The following PCNX3 variants were observed in gnomAD, a reference collection of about 807,000 sequenced individuals.
PCNX3 encodes pecanex 3.
A neutral mutation model predicts 207.2 loss-of-function variants in PCNX3; 58 were observed. The ratio of observed to expected loss-of-function variants is 0.28; its 90% CI spans 0.23 to 0.35. The LOEUF (loss-of-function observed/expected upper bound fraction) is 0.35. Ranked by LOEUF, PCNX3 falls within the 10% of genes least tolerant of loss-of-function variation. PCNX3 has a pLI of 1.00. For missense variants in PCNX3, 2,410 were observed against 2,774.4 expected (o/e 0.87, Z 2.95); for synonymous variants, 1,337 against 1,183.5 (o/e 1.13, Z -2.66).
rs563230754 is a variant in PCNX3, at chr11:65,618,705, C to T, written c.1343C>T (p.Ser448Phe). 6.2e-6 allele frequency: 10 copies of T among 1,613,070 alleles called. No individual in the cohort carries two copies. Among genetic ancestry groups the T allele is most frequent in the African/African-American group, 4.0e-5 (3 of 75,036 alleles). The change falls in exon 6 of 35, where the codon TCT becomes TTT. Residue 448 changes from serine to phenylalanine, a missense_variant. Physicochemically the swap from Ser to Phe is radical, Grantham distance 155. This residue lies in a region of PCNX3 where 1,104 missense variants were observed against 970.3 expected (regional missense o/e 1.14). Coordinates refer to ENST00000355703, the MANE Select transcript of PCNX3 (RefSeq NM_032223.4). ...SQRRYSTDSS[S>F]STSCYSPESS... ...CGCCGCTACAGTACTGACAGCTCCTCTTCTACTTCCTGCTACTCCCCTGAG... is the reference window on the plus strand; with the variant it reads ...CGCCGCTACAGTACTGACAGCTCCTTTTCTACTTCCTGCTACTCCCCTGAG...
chr11:65,621,759 G>A (rs1168752626), intron 10 of PCNX3, among the ~76,000 whole-genome samples: 3 of 152,244 alleles, frequency 2.0e-5, no homozygotes, highest in African/African-American at 7.2e-5. Flanking sequence ...ACAAATGAGA[G>A]GTCAAGTCAT....
In PCNX3 at chr11:65,634,534, A is replaced by G; in HGVS notation, c.4702-4A>G. The G allele has an allele frequency of 3.2e-6, 5 of 1,585,870 alleles. No individual in the cohort carries two copies. The highest frequency in any genetic ancestry group is 4.3e-6 in the Non-Finnish European group (5 of 1,169,404). ...GCTCTGGGATGGGGGTCCTTATGCC[A>G]CAGCCCGTGGACCAGGATTGGAACT... On this transcript the variant is annotated splice_region_variant and splice_polypyrimidine_tract_variant and intron_variant, in intron 28 of 34. Transcript: ENST00000355703.
intron 11 of PCNX3, 66 bp from the exon 12 acceptor site, chr11:65,623,425 T>TCTTCCCCA: frequency 6.7e-7 from 1 of 1,503,326 alleles, no homozygotes; most frequent in Non-Finnish European, 8.9e-7. Context: ...GCAAGATCCA[T>TCTTCCCCA]CTTCCCCACT....
chr11:65,631,065 C>CT (rs1855598690), intron 27 of PCNX3, among the ~76,000 whole-genome samples: 1 of 152,228 alleles, frequency 6.6e-6, no homozygotes, highest in South Asian at 2.1e-4. Flanking sequence ...GCCCTGCTAT[C>CT]TCACAGATGT....
At chr11:65,629,201 A>T (rs1194257322) in intron 24 of PCNX3, among the ~76,000 whole-genome samples, 156 bp from the exon 25 acceptor site, 1 of 152,144 alleles carries the variant, frequency 6.6e-6, no homozygotes, top group Non-Finnish European at 1.5e-5. Flanking sequence ...GTCCTGTGTG[A>T]GTCCCTTCAT....
Position 65,637,307 on chromosome 11 carries a change from GC to G in PCNX3, c.*334del, listed in dbSNP as rs1855887951. The G allele has an allele frequency of 9.4e-6, 3 of 320,426 alleles. No individual in the cohort carries two copies. The highest frequency in any genetic ancestry group is 1.7e-5 in the Non-Finnish European group (3 of 174,488). The allele number at this position is 320,426 out of a possible 1,614,324, so 19.8% of individuals were successfully genotyped here. A position where few individuals can be genotyped will look rare whatever the true frequency, so the allele number is the denominator to read the frequency against. ...TGGGCCTGCACTGCCTGCAGGTGTG[GC>G]CCCCTTGGCCTGGACCTGGGGCCTG... On this transcript the variant is annotated 3_prime_UTR_variant, in exon 35 of 35. Coordinates refer to ENST00000355703, the MANE Select transcript of PCNX3 (RefSeq NM_032223.4).
rs751946995 is a variant in PCNX3 at position 65,636,382 on chromosome 11, C to T, written c.5594-9C>T. On this transcript the variant is annotated splice_polypyrimidine_tract_variant and intron_variant, in intron 33 of 34. Coordinates refer to ENST00000355703, the MANE Select transcript of PCNX3 (RefSeq NM_032223.4). Reference sequence around the variant, plus strand: ...CTGAGGCCTCTGCTGTCTTATCTGTCTCCTACAGGCAATGGTGACCAACCC... The same window carrying T: ...CTGAGGCCTCTGCTGTCTTATCTGTTTCCTACAGGCAATGGTGACCAACCC... 4.1e-5 allele frequency: 64 copies of T among 1,571,546 alleles called. No homozygotes were observed. Among genetic ancestry groups the T allele is most frequent in the Non-Finnish European group, 5.0e-5 (58 of 1,158,444 alleles).
Position 65,634,942 on chromosome 11 carries a change from C to T in PCNX3, c.4806-31C>T, listed in dbSNP as rs377763462. On this transcript the variant is annotated intron_variant, in intron 29 of 34. Transcript: ENST00000355703. ...TTACCCCTGGGTCCTCGACACCCCT[C>T]TCTCCCCTCCCTGTTTTTCCTCCCA... is the stretch of plus-strand genomic sequence containing the variant. 4 of 1,596,684 alleles carry T rather than the reference C, an allele frequency of 2.5e-6. No homozygotes were observed. The African/African-American group carries it at 4.0e-5, about 16-fold the overall frequency.
Position 65,616,349 on chromosome 11 carries a change from T to C in PCNX3, c.38T>C (p.Val13Ala). 1.9e-6 allele frequency: 3 copies of C among 1,604,964 alleles called. No individual in the cohort carries two copies. Among genetic ancestry groups the C allele is most frequent in the Non-Finnish European group, 2.5e-6 (3 of 1,177,860 alleles). Residue 13 changes from valine to alanine, a missense_variant, in exon 1 of 35, where the codon GTG becomes GCG. By Grantham distance (64) the Val-to-Ala change is moderately conservative. Coordinates refer to ENST00000355703, the MANE Select transcript of PCNX3 (RefSeq NM_032223.4). ...GTGTTGCAGATCCTGCGCCAGGGGG[T>C]GTGGGCCTCGCTCACCGGCGGTTGG... Reference protein sequence around the residue: ...SQVLQILRQGVWASLTGGWFF... With the variant: ...SQVLQILRQGAWASLTGGWFF...
At position 65,618,644 on chromosome 11, in the gene PCNX3, A is replaced by G; in HGVS notation, c.1282A>G (p.Ser428Gly). The G allele has an allele frequency of 6.2e-7, 1 of 1,613,154 alleles. No homozygotes were observed. The highest frequency in any genetic ancestry group is 1.1e-5 in the South Asian group (1 of 91,092). The part of the protein sequence containing the change: ...FFEDEDTSEG[S>G]ELSPASSLRS... ...TGAGGATGAAGACACTAGTGAGGGC[A>G]GTGAACTGAGCCCGGCCTCCAGTCT... Residue 428 changes from serine to glycine, a missense_variant, in exon 6 of 35, where the codon AGT (serine) becomes GGT (glycine). This residue lies in a region of PCNX3 where 1,104 missense variants were observed against 970.3 expected (regional missense o/e 1.14). Transcript: ENST00000355703.
At chr11:65,617,794 T>TGA in intron 5 of PCNX3, 88 bp downstream of exon 5, 1 of 1,475,430 alleles carries the variant, frequency 6.8e-7, no homozygotes, top group Non-Finnish European at 9.2e-7. Context: ...ATCCTGGGTC[T>TGA]CCTCTGTATT....
At chr11:65,621,046 G>A in intron 10 of PCNX3, 80 bp downstream of exon 10, 1 of 1,456,842 alleles carries the variant, frequency 6.9e-7, no homozygotes, top group Non-Finnish European at 9.1e-7. Flanking sequence ...TGCATAGAGA[G>A]CTTGCCCAGG....
chr11:65,634,655 T>C lies in PCNX3; in HGVS notation c.4805+14T>C. 1 of 1,559,610 alleles carries C rather than the reference T, an allele frequency of 6.4e-7. No homozygotes were observed. Among genetic ancestry groups the C allele is most frequent in the Non-Finnish European group, 8.6e-7 (1 of 1,158,820 alleles). On this transcript the variant is annotated intron_variant, in intron 29 of 34. Transcript: ENST00000355703. ...CATGTCTGCAAGGTGAGTGCTCGGG[T>C]GTCCCGCGGGGCCTACTGCCGTCCC...
In PCNX3 at chr11:65,636,195, C is replaced by A; in HGVS notation, c.5481C>A (p.Ala1827=). ...TWERLHKGCG[A]GCNSGGNVDD... ...CCAGGCTTCACAAGGGCTGTGGCGC[C>A]GGCTGCAATAGTGGCGGGAACGTGG... The change falls in exon 33 of 35, where the codon GCC becomes GCA. Residue 1827 remains alanine (A), a synonymous_variant. Coordinates refer to ENST00000355703, the MANE Select transcript of PCNX3 (RefSeq NM_032223.4). 1 of 1,602,754 alleles carries A rather than the reference C, an allele frequency of 6.2e-7. No homozygotes were observed. The highest frequency in any genetic ancestry group is 8.5e-7 in the Non-Finnish European group (1 of 1,174,606).
At chr11:65,630,313 G>T (rs1477031421) in intron 26 of PCNX3, 38 bp from the exon 27 acceptor site, 3 of 1,603,456 alleles carry the variant, frequency 1.9e-6, no homozygotes, top group Non-Finnish European at 2.6e-6. Context: ...GGTAGGGATT[G>T]TTCTAGCAGC....
In PCNX3 at chr11:65,635,270, C is replaced by A; in HGVS notation, c.5006C>A (p.Ala1669Asp). 6.3e-7 allele frequency: 1 copy of A among 1,589,932 alleles called. No individual in the cohort carries two copies. Among genetic ancestry groups the A allele is most frequent in the East Asian group, 2.3e-5 (1 of 43,192 alleles). The change falls in exon 31 of 35, where the codon GCC (alanine) becomes GAC (aspartate). Residue 1669 changes from alanine (A) to aspartate (D), a missense_variant. Around this residue, in one of 8 missense-constraint regions of PCNX3, gnomAD observed 420 missense variants for 705.3 expected, o/e 0.60. Transcript: ENST00000355703. This position sits in a 1 kb window ranked among gnomAD's most constrained non-coding sequence, Gnocchi z 9.9. ...GAGGAGCCAGCAGCCCTATACGATG[C>A]CATTGCGGCCAACGAGGAGCGGCTG... ...EYEEPAALYD[A>D]IAANEERLVI... is the part of the protein sequence containing the mutation.
At chr11:65,616,735 C>T (rs748604701) in intron 1 of PCNX3, 89 bp from the exon 2 acceptor site, 70 of 1,419,894 alleles carry the variant, frequency 4.9e-5, no homozygotes, top group Non-Finnish European at 6.2e-5. Context: ...TCTTGTGAGT[C>T]TGTGAATCCC....
Position 65,624,328 on chromosome 11 carries a change from C to T in PCNX3, c.2678C>T (p.Ser893Phe). The T allele has an allele frequency of 6.4e-7, 1 of 1,561,742 alleles. No homozygotes were observed. The highest frequency in any genetic ancestry group is 8.7e-7 in the Non-Finnish European group (1 of 1,152,550). Residue 893 changes from serine (S) to phenylalanine (F), a missense_variant, in exon 14 of 35, where the codon TCT becomes TTT. By Grantham distance (155) the Ser-to-Phe change is radical. Transcript: ENST00000355703. The part of the protein sequence containing the change: ...PVSLYGLTLF[S>F]ASFFFCARDV... ...TCCCTCTACGGCCTCACGCTCTTCT[C>T]TGCCTCCTTCTTCTTCTGTGCCCGA...
rs1482423632 is a variant in PCNX3, at chr11:65,635,462, C to T, written c.5184+14C>T. 2 of 1,608,254 alleles carry T rather than the reference C, an allele frequency of 1.2e-6. No homozygotes were observed. Among genetic ancestry groups the T allele is most frequent in the Non-Finnish European group, 1.7e-6 (2 of 1,178,644 alleles). ...CGAGTCATCAAGGTTGGGCCGGCCC[C>T]ACCTGCCCTAAGCCCTGCCCCAAAC... On this transcript the variant is annotated intron_variant, in intron 31 of 34. Coordinates refer to ENST00000355703, the MANE Select transcript of PCNX3 (RefSeq NM_032223.4). The surrounding 1 kb of genome is among the most constrained non-coding windows in gnomAD (Gnocchi z 9.9).
Sources: allele counts gnomAD v4.1 joint callset (sites outside exome capture counted in the v4.1 genomes callset), GRCh38; gene constraint gnomAD v4.1.1; regional missense constraint gnomAD v4.1.1; non-coding constraint Gnocchi (gnomAD v3.1); transcripts MANE v1.5; gene names NCBI Gene and HGNC (gene_info 2026-07-23, HGNC 2026-07-21).